Variants in FAM178B observed in about 807,000 individuals in gnomAD.
FAM178B encodes the protein family with sequence similarity 178 member B, also known as protein FAM178B.
FAM178B carries 82 observed loss-of-function variants against 91.7 expected under a neutral mutation model. The ratio of observed to expected loss-of-function variants is 0.89; its 90% CI spans 0.75 to 1.07. FAM178B has a LOEUF of 1.07. FAM178B is among the 50% of genes least tolerant of loss of function. The probability of loss-of-function intolerance (pLI) is 0.00; values close to 1 mark genes in which losing one functional copy is unlikely to be tolerated. For synonymous variants in FAM178B, 368 were observed against 359.4 expected, an observed-to-expected ratio of 1.02 and a Z score of -0.27; for missense variants, 769 against 846.7, an observed-to-expected ratio of 0.91 and a Z score of 1.14.
At chr2:96,926,858 A>G (rs1338233933) in intron 9 of FAM178B, among the ~76,000 whole-genome samples, 2 of 152,232 alleles carry the variant, frequency 1.3e-5, no homozygotes, top group Non-Finnish European at 2.9e-5. Context: ...CGGTGGGGAC[A>G]TGCACAGATG....
chr2:96,958,697 T>TAAAAAAAAAAAAAAAAAA (rs55924441), intron 6 of FAM178B, among the ~76,000 whole-genome samples: 2 of 55,534 alleles, frequency 3.6e-5, no homozygotes, highest in Non-Finnish European at 6.0e-5. Context: ...CTCAAAATAC[T>TAAAAAAAAAAAAAAAAAA]AAAAAAAAAA....
chr2:96,972,062 C>G lies in FAM178B; in HGVS notation c.403G>C (p.Val135Leu), dbSNP rs1373593788. The change falls in exon 3 of 17, where the codon GTG becomes CTG. Residue 135 changes from valine to leucine, a missense_variant. Coordinates refer to ENST00000490605, the MANE Select transcript of FAM178B (RefSeq NM_001122646.3). ...ASREAPAQRW[V>L]GVVGPQGLRR... ...AGGCCCTGGGGGCCCACCACACCCA[C>G]CCACCTCTGGGCCGGGGCCTCCCGA... 6.5e-7 allele frequency: 1 copy of G among 1,547,488 alleles called. No homozygotes were observed.
intron 16 of FAM178B, among the ~76,000 whole-genome samples, chr2:96,877,400 G>A (rs1451662024): frequency 1.3e-5 from 2 of 151,102 alleles, no homozygotes; most frequent in African/African-American, 4.9e-5. Context: ...CCTGGGCACT[G>A]GATTTTTTTT....
intron 5 of FAM178B, among the ~76,000 whole-genome samples, chr2:96,961,312 G>GTTGT (rs1553508277): frequency 6.8e-6 from 1 of 146,756 alleles, no homozygotes; most frequent in African/African-American, 2.5e-5. Flanking sequence ...AGCAGCAGAG[G>GTTGT]GTGTGTGTGT....
At chr2:96,928,552 T>C (rs1347493995) in intron 9 of FAM178B, among the ~76,000 whole-genome samples, 2 of 151,764 alleles carry the variant, frequency 1.3e-5, no homozygotes, top group African/African-American at 4.8e-5. Context: ...TGTTCCTGAG[T>C]GGATATTAGG....
intron 12 of FAM178B, among the ~76,000 whole-genome samples, chr2:96,905,848 A>ACGTATATATACG (rs2081035446): frequency 4.9e-4 from 13 of 26,502 alleles, no homozygotes; most frequent in Admixed American, 1.1e-3. Context: ...ATATATATAT[A>ACGTATATATACG]TATATATATA....
chr2:96,935,067 C>T (rs369073950), intron 8 of FAM178B, among the ~76,000 whole-genome samples: 13 of 152,278 alleles, frequency 8.5e-5, no homozygotes, highest in South Asian at 4.1e-4. Flanking sequence ...TCGAGGCCCC[C>T]GGTATGCGTG....
intron 7 of FAM178B, among the ~76,000 whole-genome samples, chr2:96,950,736 T>C (rs764012215): frequency 3.3e-5 from 5 of 152,194 alleles, no homozygotes; most frequent in Non-Finnish European, 2.9e-5. Flanking sequence ...GCAAAATGTA[T>C]GTTCCCCTAT....
chr2:96,977,416 C>G (rs988244648), intron 1 of FAM178B, among the ~76,000 whole-genome samples: 1 of 134,460 alleles, frequency 7.4e-6, no homozygotes, highest in Non-Finnish European at 1.6e-5. Flanking sequence ...AAAACAACAA[C>G]AAAAAGAAAA....
chr2:96,904,021 G>C (rs1160122401), intron 12 of FAM178B, among the ~76,000 whole-genome samples: 1 of 152,126 alleles, frequency 6.6e-6, no homozygotes, highest in Non-Finnish European at 1.5e-5. Flanking sequence ...GTGCTGGTGG[G>C]GGCGCAGGGT....
intron 12 of FAM178B, among the ~76,000 whole-genome samples, chr2:96,913,536 C>T (rs1006394971): frequency 1.3e-5 from 2 of 152,200 alleles, no homozygotes; most frequent in Non-Finnish European, 2.9e-5. Flanking sequence ...ACGAGGGTTT[C>T]GAGGGAAGCC....
chr2:96,925,004 G>A (rs1301483783), intron 9 of FAM178B, among the ~76,000 whole-genome samples: 1 of 152,120 alleles, frequency 6.6e-6, no homozygotes, highest in African/African-American at 2.4e-5. Flanking sequence ...AACTGTGGCT[G>A]GGCTCAGTCC....
At chr2:96,893,150 T>C (rs975435881) in intron 14 of FAM178B, among the ~76,000 whole-genome samples, 4 of 152,174 alleles carry the variant, frequency 2.6e-5, no homozygotes, top group South Asian at 2.1e-4. Context: ...GGAATTACCA[T>C]CTTCCCCAAT....
chr2:96,972,843 AG>A (rs1368541948), intron 1 of FAM178B, among the ~76,000 whole-genome samples: 1 of 151,996 alleles, frequency 6.6e-6, no homozygotes, highest in Non-Finnish European at 1.5e-5. Context: ...TTTTAGACGG[AG>A]TCTCACTCTC....
At chr2:96,898,060 G>A in intron 13 of FAM178B, 1 of 985,700 alleles carries the variant, frequency 1.0e-6, no homozygotes, top group Non-Finnish European at 1.2e-6. Context: ...GCCCAGCAGT[G>A]CCCTGCAAAT....
rs193194309 is a variant in FAM178B at position 96,951,768 on chromosome 2, A to T, written c.888-284T>A. 8.5e-5 allele frequency: 27 copies of T among 315,940 alleles called. No homozygotes were observed. In the East Asian group the frequency reaches 2.1e-3, roughly 24 times the overall value. 19.6% of individuals were successfully genotyped at this position (315,940 alleles called of 1,614,324 possible). A position where few individuals can be genotyped will look rare whatever the true frequency, so the allele number is the denominator to read the frequency against. ...CTGGAGGCAGTGGCTCACGCCTGTA[A>T]TCCCAGCACTTTGGGAGGCAAAGGC... On this transcript the variant is annotated intron_variant, in intron 6 of 16. Coordinates refer to ENST00000490605, the MANE Select transcript of FAM178B (RefSeq NM_001122646.3).
intron 8 of FAM178B, among the ~76,000 whole-genome samples, chr2:96,931,819 T>A (rs148910142): frequency 6.6e-6 from 1 of 151,866 alleles, no homozygotes. Flanking sequence ...AACAAGTAAT[T>A]AGACTCTTGG....
Position 96,902,612 on chromosome 2 carries a change from A to T in FAM178B, c.1650+8T>A, listed in dbSNP as rs2080955381. On this transcript the variant is annotated splice_region_variant and intron_variant, in intron 13 of 16. Transcript: ENST00000490605. The stretch of plus-strand genomic sequence containing the variant: ...GCCTTCCTGCCCAGGCCTGAAGCAA[A>T]CACTCACCTGGGTCTTCTCTTGCCA... The T allele has an allele frequency of 1.3e-6, 2 of 1,547,416 alleles. No individual in the cohort carries two copies. Among genetic ancestry groups the T allele is most frequent in the South Asian group, 1.2e-5 (1 of 83,976 alleles).
At chr2:96,923,423 T>C (rs2081379629) in intron 10 of FAM178B, 67 bp downstream of exon 10, 1 of 1,240,258 alleles carries the variant, frequency 8.1e-7, no homozygotes, top group African/African-American at 1.5e-5. Context: ...CTCCTGGAAT[T>C]TAGCTGCTGA....
Sources: gnomAD v4.1 joint callset for allele counts (sites outside exome capture counted in the v4.1 genomes callset) on GRCh38, gnomAD v4.1.1 for gene constraint, MANE v1.5 for transcripts, NCBI Gene and HGNC (gene_info 2026-07-23, HGNC 2026-07-21) for gene names.